TBX20: variants seen among roughly 807,000 people sequenced by gnomAD.
The protein encoded by TBX20 is T-box transcription factor TBX20.
In TBX20, 8 loss-of-function variants were observed where a neutral mutation model predicts 42.9. The observed-to-expected ratio is 0.19, with a 90% CI of 0.11 to 0.34. The LOEUF (loss-of-function observed/expected upper bound fraction) is 0.34, where lower values mean the gene tolerates loss of function less well. Among genes scored for constraint, TBX20 ranks in the 10% least tolerant of loss-of-function variants. TBX20 has a pLI of 1.00. For missense variants in TBX20, 411 were observed against 566.0 expected (o/e 0.73, Z 2.78); for synonymous variants, 198 against 222.8 (o/e 0.89, Z 0.99).
chr7:35,239,161 A>G (rs1790026580), intron 5 of TBX20, among the ~76,000 whole-genome samples: 1 of 152,084 alleles, frequency 6.6e-6, no homozygotes, highest in Non-Finnish European at 1.5e-5. Context: ...CCTTACATAC[A>G]TCCACTCTGG....
chr7:35,204,408 C>G (rs1789361687), intron 7 of TBX20, 62 bp downstream of exon 7: 4 of 1,099,212 alleles, frequency 3.6e-6, no homozygotes, highest in Non-Finnish European at 5.6e-6. Context: ...CAACGACCTG[C>G]CCCCATTCTC....
At chr7:35,248,952 C>T in intron 2 of TBX20, 111 bp from the exon 3 acceptor site, 1 of 1,277,488 alleles carries the variant, frequency 7.8e-7, no homozygotes, top group South Asian at 1.2e-5. Flanking sequence ...TCTGACTCCC[C>T]TCTCTATCCG....
Position 35,253,573 on chromosome 7 carries a change from G to A in TBX20, c.48C>T (p.Asn16=), listed in dbSNP as rs375102469. ...SPKPQLSSRA[N]AFSIAALMSS... The stretch of plus-strand genomic sequence containing the variant: ...ACATGAGCGCGGCAATGGAGAAGGC[G>A]TTGGCCCGAGAGGAGAGTTGGGGCT... Residue 16 remains asparagine (N), a synonymous_variant, in exon 1 of 8, where the codon AAC becomes AAT. Transcript: ENST00000408931. 19 of 1,612,560 alleles carry A rather than the reference G, an allele frequency of 1.2e-5. No individual in the cohort carries two copies. Among genetic ancestry groups the A allele is most frequent in the Middle Eastern group, 3.9e-4 (2 of 5,076 alleles).
At chr7:35,210,998 G>A (rs1353783164) in intron 6 of TBX20, among the ~76,000 whole-genome samples, 1 of 151,572 alleles carries the variant, frequency 6.6e-6, no homozygotes, top group Non-Finnish European at 1.5e-5. Context: ...TTCTTTAAAT[G>A]ATTTCATTTC....
intron 1 of TBX20, 87 bp downstream of exon 1, chr7:35,253,407 C>G (rs1790342432): frequency 6.8e-7 from 1 of 1,475,946 alleles, no homozygotes; most frequent in Non-Finnish European, 9.2e-7. Flanking sequence ...GAGCATCAGA[C>G]GTTGCTGCGA....
At chr7:35,225,624 C>T (rs1462034925) in intron 6 of TBX20, among the ~76,000 whole-genome samples, 1 of 152,140 alleles carries the variant, frequency 6.6e-6, no homozygotes, top group East Asian at 1.9e-4. Context: ...CAGGAGATTT[C>T]AGAAAGAGGA....
chr7:35,235,839 T>C (rs903277401), intron 5 of TBX20, among the ~76,000 whole-genome samples: 2 of 152,156 alleles, frequency 1.3e-5, no homozygotes, highest in Admixed American at 1.3e-4. Context: ...ATAATATCAC[T>C]GGACTCTGAA....
At chr7:35,208,624 C>T (rs1216853273) in intron 6 of TBX20, among the ~76,000 whole-genome samples, 1 of 151,930 alleles carries the variant, frequency 6.6e-6, no homozygotes, top group Admixed American at 6.6e-5. Flanking sequence ...TGCCTGTAAT[C>T]CCCGCTACTC....
intron 6 of TBX20, among the ~76,000 whole-genome samples, chr7:35,221,489 G>A (rs1280431790): frequency 6.6e-6 from 1 of 152,080 alleles, no homozygotes; most frequent in Non-Finnish European, 1.5e-5. Flanking sequence ...TGTCCAGACA[G>A]AGAAGAAACA....
chr7:35,249,742 G>A lies in TBX20; in HGVS notation c.380+209C>T, dbSNP rs965401926. On this transcript the variant is annotated intron_variant, in intron 2 of 7. Transcript: ENST00000408931. This position sits in a 1 kb window ranked among gnomAD's most constrained non-coding sequence, Gnocchi z 4.3. The stretch of plus-strand genomic sequence containing the variant: ...GCCCTTCTCAACAAAGCCAGGGTGG[G>A]GCTTCCCATGACCAAATCCTGAGAA... 6.6e-6 allele frequency among the ~76,000 whole-genome samples: 1 copy of A among 152,100 alleles called. No homozygotes were observed. Among genetic ancestry groups the A allele is most frequent in the Non-Finnish European group, 1.5e-5 (1 of 68,020 alleles).
intron 6 of TBX20, among the ~76,000 whole-genome samples, chr7:35,220,512 A>G (rs1189786620): frequency 4.6e-5 from 7 of 152,182 alleles, no homozygotes; most frequent in Non-Finnish European, 8.8e-5. Flanking sequence ...TTTTTCAGAA[A>G]CTACTTCCTT....
intron 6 of TBX20, among the ~76,000 whole-genome samples, chr7:35,220,970 A>T (rs959846930): frequency 3.9e-5 from 6 of 152,190 alleles, no homozygotes; most frequent in African/African-American, 1.4e-4. Context: ...CTCACATTTT[A>T]AAGGAACTCA....
In TBX20 at chr7:35,249,811, G is replaced by A. The variant is rs1790268200; in HGVS notation, c.380+140C>T. On this transcript the variant is annotated intron_variant, in intron 2 of 7. Transcript: ENST00000408931. The surrounding 1 kb of genome is among the most constrained non-coding windows in gnomAD (Gnocchi z 4.3). ...CTGTAGCTCCTAATGCAAGCTGGTG[G>A]AAAGCAGCTGCCCTGGAGCCAAGCT... The A allele has an allele frequency of 3.1e-6, 3 of 953,214 alleles. No individual in the cohort carries two copies. The highest frequency in any genetic ancestry group is 4.6e-6 in the Non-Finnish European group (3 of 646,696). The allele number at this position is 953,214 out of a possible 1,614,324, so 59.0% of individuals were successfully genotyped here.
chr7:35,243,854 G>C (rs541610796), intron 4 of TBX20, among the ~76,000 whole-genome samples: 1 of 152,314 alleles, frequency 6.6e-6, no homozygotes, highest in South Asian at 2.1e-4. Flanking sequence ...CCCTGACTTG[G>C]TTGTAATAAA....
rs567277060 is a variant in TBX20 at position 35,217,415 on chromosome 7, G to A, written c.891-12833C>T. ...AATATTCTTCATACACAGATAGAAG[G>A]AAAGACACAGCAAGAAAAGAAGGAT... is the stretch of plus-strand genomic sequence containing the variant. On this transcript the variant is annotated intron_variant, in intron 6 of 7. Transcript: ENST00000408931. Among the ~76,000 whole-genome samples, 3 of 152,260 alleles carry A rather than the reference G, an allele frequency of 2.0e-5. No homozygotes were observed. The East Asian group carries it at 5.8e-4, about 29-fold the overall frequency.
At chr7:35,227,783 T>C (rs759370390) in intron 6 of TBX20, among the ~76,000 whole-genome samples, 33 of 152,290 alleles carry the variant, frequency 2.2e-4, no homozygotes, top group South Asian at 1.5e-3. Context: ...GAAAGTAGGA[T>C]ACAGATTACC....
At chr7:35,236,034 G>C (rs1436030441) in intron 5 of TBX20, among the ~76,000 whole-genome samples, 2 of 152,086 alleles carry the variant, frequency 1.3e-5, no homozygotes, top group Non-Finnish European at 2.9e-5. Context: ...AAAATAGTTT[G>C]TTGAAAGTGT....
chr7:35,222,779 C>G lies in TBX20; in HGVS notation c.890+8725G>C, dbSNP rs373420617. ...GCAAGCAGAGGAGAGTTCAGAGAGG[C>G]AACTGGGTCAGGTGGGGTAGATTCT... On this transcript the variant is annotated intron_variant, in intron 6 of 7. Transcript: ENST00000408931. Among the ~76,000 whole-genome samples the G allele has an allele frequency of 1.1e-4, 17 of 152,124 alleles. No individual in the cohort carries two copies. In the South Asian group the frequency reaches 3.5e-3, roughly 32 times the overall value.
intron 6 of TBX20, among the ~76,000 whole-genome samples, chr7:35,205,253 A>G (rs1165274540): frequency 6.6e-6 from 1 of 152,084 alleles, no homozygotes; most frequent in Non-Finnish European, 1.5e-5. Context: ...TGTCTTGTAG[A>G]TGGTCTTCCT....
Sources: gnomAD v4.1 joint callset for allele counts (sites outside exome capture counted in the v4.1 genomes callset) on GRCh38, gnomAD v4.1.1 for gene constraint, Gnocchi (gnomAD v3.1) non-coding constraint, MANE v1.5 for transcripts, NCBI Gene and HGNC (gene_info 2026-07-23, HGNC 2026-07-21) for gene names.